The following ANGPTL6 variants were observed in gnomAD, a reference collection of about 807,000 sequenced individuals.
ANGPTL6 encodes the protein angiopoietin-related protein 6.
Under a neutral mutation model 47.4 loss-of-function variants are expected in ANGPTL6, and 45 were observed. The observed-to-expected ratio is 0.95, with a 90% CI of 0.75 to 1.22. The LOEUF is 1.22. Among genes scored for constraint, ANGPTL6 ranks in the 50% most tolerant of loss-of-function variants. The pLI, the probability that ANGPTL6 is intolerant of heterozygous loss-of-function variation, is 0.00. For synonymous variants in ANGPTL6, 290 were observed against 295.9 expected (o/e 0.98, Z 0.20); for missense variants, 698 against 669.4 (o/e 1.04, Z -0.47).
At chr19:10,101,775 C>T (rs1395913305) in intron 1 of ANGPTL6, among the ~76,000 whole-genome samples, 1 of 132,792 alleles carries the variant, frequency 7.5e-6, no homozygotes, top group African/African-American at 2.8e-5. Flanking sequence ...TGCGCCATTG[C>T]ACTCCAACCT....
chr19:10,096,232 C>T lies in ANGPTL6; in HGVS notation c.332G>A (p.Arg111His), dbSNP rs1310828976. ...RGLSARLGQL[R>H]AQLQHEAGPG... is the part of the protein sequence containing the mutation. ...CCCCGCCTCGTGCTGCAGCTGCGCG[C>T]GCAACTGGCCCAGGCGCGCGCTCAG... The change falls in exon 2 of 6, where the codon CGC (arginine) becomes CAC (histidine). Residue 111 changes from arginine to histidine, a missense_variant. Transcript: ENST00000253109. The T allele has an allele frequency of 1.9e-4, 224 of 1,187,678 alleles. 1 individual carries two copies. The highest frequency in any genetic ancestry group is 2.7e-4 in the Admixed American group (6 of 22,028). The allele number at this position is 1,187,678 out of a possible 1,614,324, so 73.6% of individuals were successfully genotyped here.
At chr19:10,095,062 G>T in intron 2 of ANGPTL6, 124 bp from the exon 3 acceptor site, 1 of 1,036,612 alleles carries the variant, frequency 9.6e-7, no homozygotes, top group Non-Finnish European at 1.4e-6. Context: ...TGGCAGTGGG[G>T]GTGTCCCAGC....
intron 1 of ANGPTL6, 162 bp from the exon 2 acceptor site, chr19:10,096,735 C>A: frequency 1.9e-6 from 1 of 526,080 alleles, no homozygotes; most frequent in East Asian, 3.5e-5. Context: ...CAGGGTGATC[C>A]CACTCTGGCT....
upstream of ANGPTL6, among the ~76,000 whole-genome samples, chr19:10,103,164 C>T (rs2088723589): frequency 1.3e-5 from 2 of 151,786 alleles, 1 homozygote; most frequent in Admixed American, 1.3e-4. Context: ...AAAAAGAGAC[C>T]AGGATGGGAG....
chr19:10,094,780 A>C lies in ANGPTL6; in HGVS notation c.741T>G (p.Pro247=). ...PMASPMPAGH[P]AVPTKPVGPW... is the part of the protein sequence containing the mutation. ...TACCCACAGGCTTGGTGGGGACCGCAGGGTGACCTGCAGGCATGGGAGAAG... is the reference window on the plus strand; with the variant it reads ...TACCCACAGGCTTGGTGGGGACCGCCGGGTGACCTGCAGGCATGGGAGAAG... Residue 247 remains proline (P), a synonymous_variant, in exon 3 of 6, where the codon CCT becomes CCG. Coordinates refer to ENST00000253109, the MANE Select transcript of ANGPTL6 (RefSeq NM_031917.3). 2 of 1,614,170 alleles carry C rather than the reference A, an allele frequency of 1.2e-6. No individual in the cohort carries two copies. The highest frequency in any genetic ancestry group is 2.2e-5 in the South Asian group (2 of 91,088).
chr19:10,099,420 C>CA (rs1245121651), intron 1 of ANGPTL6, among the ~76,000 whole-genome samples: 1 of 151,688 alleles, frequency 6.6e-6, no homozygotes, highest in Admixed American at 6.6e-5. Context: ...ACTGAAAATA[C>CA]AAAAAAAGTA....
Position 10,093,308 on chromosome 19 carries a change from C to T in ANGPTL6, c.1222+41G>A, listed in dbSNP as rs201663665. On this transcript the variant is annotated intron_variant, in intron 5 of 5. Transcript: ENST00000253109. Reference sequence around the variant, plus strand: ...CATTCCCTCACCAGAACAGGAGTCCCGCCTCCCCTATCCTCTCACCAGAAT... The same window carrying T: ...CATTCCCTCACCAGAACAGGAGTCCTGCCTCCCCTATCCTCTCACCAGAAT... 58 of 1,585,246 alleles carry T rather than the reference C, an allele frequency of 3.7e-5. No individual in the cohort carries two copies. The African/African-American group carries it at 6.6e-4, about 18-fold the overall frequency.
intron 2 of ANGPTL6, among the ~76,000 whole-genome samples, chr19:10,095,651 C>A (rs896375577): frequency 2.0e-5 from 3 of 152,144 alleles, no homozygotes; most frequent in Admixed American, 6.5e-5. Context: ...TTCAGAATAA[C>A]ACGGCTGGAT....
In ANGPTL6 at chr19:10,096,039, G is replaced by A; in HGVS notation, c.525C>T (p.Ser175=). 2 of 1,433,754 alleles carry A rather than the reference G, an allele frequency of 1.4e-6. No homozygotes were observed. Among genetic ancestry groups the A allele is most frequent in the South Asian group, 1.4e-5 (1 of 69,944 alleles). The allele number at this position is 1,433,754 out of a possible 1,614,324, so 88.8% of individuals were successfully genotyped here. Residue 175 remains serine (S), a synonymous_variant, in exon 2 of 6, where the codon AGC becomes AGT. Transcript: ENST00000253109. ...GGCGCTCCAGGCGGGCGATGAGACT[G>A]CTCTGCTGGGTGACGAGCTGCGCCA... ...RELAQLVTQQ[S]SLIARLERLC...
upstream of ANGPTL6, among the ~76,000 whole-genome samples, chr19:10,106,030 G>A (rs762716315): frequency 2.0e-5 from 3 of 152,242 alleles, no homozygotes; most frequent in Non-Finnish European, 4.4e-5. Flanking sequence ...TGCATACATG[G>A]TCGCTCCTAA....
intron 1 of ANGPTL6, among the ~76,000 whole-genome samples, chr19:10,098,370 A>G (rs964201405): frequency 6.6e-6 from 1 of 151,966 alleles, no homozygotes; most frequent in Non-Finnish European, 1.5e-5. Context: ...AACAATAACA[A>G]AAAACAGCAA....
chr19:10,093,487 C>T lies in ANGPTL6; in HGVS notation c.1084G>A (p.Asp362Asn), dbSNP rs1599281959. The change falls in exon 5 of 6, where the codon GAT (aspartate) becomes AAT (asparagine). Residue 362 changes from aspartate to asparagine, a missense_variant. By Grantham distance (23) the Asp-to-Asn change is conservative. Transcript: ENST00000253109. The part of the protein sequence containing the change: ...WGGRGARAHY[D>N]GFSLEPESDH... ...CTCTCGGGTTCCAGGGAGAAGCCAT[C>T]ATAGTGGGCACGTGCTCCACGGCCC... The T allele has an allele frequency of 6.2e-7, 1 of 1,614,100 alleles. No individual in the cohort carries two copies. Among genetic ancestry groups the T allele is most frequent in the Non-Finnish European group, 8.5e-7 (1 of 1,180,050 alleles).
At chr19:10,099,264 GC>G (rs971437341) in intron 1 of ANGPTL6, among the ~76,000 whole-genome samples, 3 of 152,036 alleles carry the variant, frequency 2.0e-5, no homozygotes, top group African/African-American at 7.2e-5. Context: ...TAGAGGAAAA[GC>G]CCAAATCCAC....
Position 10,102,070 on chromosome 19 carries a change from C to G in ANGPTL6, c.-11+498G>C, listed in dbSNP as rs1331494006. ...GGCGGAGCTTGCAGTGAGCTGAGAT[C>G]GCGCCACTGCACTCCAGCCTGGGTG... On this transcript the variant is annotated intron_variant, in intron 1 of 5. Coordinates refer to ENST00000253109, the MANE Select transcript of ANGPTL6 (RefSeq NM_031917.3). 2.9e-5 allele frequency among the ~76,000 whole-genome samples: 4 copies of G among 139,490 alleles called. 1 individual carries two copies. The highest frequency in any genetic ancestry group is 3.1e-5 in the Non-Finnish European group (2 of 65,120). The allele number at this position is 139,490 out of a possible 152,430, so 91.5% of individuals were successfully genotyped here.
chr19:10,103,654 TA>T (rs1029679286), upstream of ANGPTL6, among the ~76,000 whole-genome samples: 10 of 141,288 alleles, frequency 7.1e-5, no homozygotes, highest in African/African-American at 2.4e-4. Context: ...AGTGAGGAAT[TA>T]ATTAATTAAA....
At chr19:10,104,324 G>C (rs534586641), upstream of ANGPTL6, among the ~76,000 whole-genome samples, 4 of 148,596 alleles carry the variant, frequency 2.7e-5, no homozygotes, top group African/African-American at 1.0e-4. Context: ...TGTGGTGTGT[G>C]TGTGTGTGTG....
At chr19:10,094,191 G>C (rs1466525356) in intron 3 of ANGPTL6, among the ~76,000 whole-genome samples, 1 of 151,800 alleles carries the variant, frequency 6.6e-6, no homozygotes, top group African/African-American at 2.4e-5. Flanking sequence ...CTGTCACTCA[G>C]GCTGGAGTGC....
Position 10,094,913 on chromosome 19 carries a change from G to A in ANGPTL6, c.608C>T (p.Pro203Leu), listed in dbSNP as rs1253793050. ...QQVLPPPPLV[P>L]VVPVRLVGST... ...ACCCACAAGACGGACCGGAACCACA[G>A]GCACCAGTGGGGGTGGCGGCAGGAC... The change falls in exon 3 of 6, where the codon CCT (proline) becomes CTT (leucine). Residue 203 changes from proline to leucine, a missense_variant. Coordinates refer to ENST00000253109, the MANE Select transcript of ANGPTL6 (RefSeq NM_031917.3). The A allele has an allele frequency of 1.9e-6, 3 of 1,611,078 alleles. No individual in the cohort carries two copies. In the South Asian group the frequency reaches 3.3e-5, roughly 18 times the overall value.
chr19:10,101,393 TA>T (rs2088674375), intron 1 of ANGPTL6, among the ~76,000 whole-genome samples: 1 of 146,292 alleles, frequency 6.8e-6, no homozygotes, highest in African/African-American at 2.6e-5. Flanking sequence ...AATATAAAAA[TA>T]AAAATAAAAT....
Sources: gnomAD v4.1 joint callset for allele counts (sites outside exome capture counted in the v4.1 genomes callset) on GRCh38, gnomAD v4.1.1 for gene constraint, MANE v1.5 for transcripts, NCBI Gene and HGNC (gene_info 2026-07-23, HGNC 2026-07-21) for gene names.